Variants in VPS9D1 observed in about 807,000 individuals in gnomAD.
VPS9D1 encodes VPS9 domain containing 1.
In VPS9D1, 78 loss-of-function variants were observed where a neutral mutation model predicts 75.8. The ratio of observed to expected loss-of-function variants is 1.03; its 90% CI spans 0.86 to 1.24. The LOEUF (loss-of-function observed/expected upper bound fraction) is 1.24, where lower values mean the gene tolerates loss of function less well. Ranked by LOEUF, VPS9D1 falls within the 50% of genes most tolerant of loss-of-function variation. The probability of loss-of-function intolerance (pLI) is 0.00; values close to 1 mark genes in which losing one functional copy is unlikely to be tolerated. For synonymous variants in VPS9D1, 481 were observed against 385.6 expected (o/e 1.25, Z -2.90); for missense variants, 1,057 against 847.7 (o/e 1.25, Z -3.07).
In VPS9D1 at chr16:89,712,532, G is replaced by A. The variant is rs1195672323; in HGVS notation, c.544-10C>T. 2 of 1,611,898 alleles carry A rather than the reference G, an allele frequency of 1.2e-6. No individual in the cohort carries two copies. Among genetic ancestry groups the A allele is most frequent in the African/African-American group, 1.3e-5 (1 of 74,862 alleles). On this transcript the variant is annotated splice_polypyrimidine_tract_variant and intron_variant, in intron 5 of 14. Coordinates refer to ENST00000389386, the MANE Select transcript of VPS9D1 (RefSeq NM_004913.3). ...GCTGTAGAGAGAGGGTCTGGGGGGG[G>A]AGGAGGGAGTAAGGCCGACTCCCCT... is the stretch of plus-strand genomic sequence containing the variant.
chr16:89,716,863 C>T, intron 2 of VPS9D1, 41 bp from the exon 3 acceptor site: 2 of 1,527,112 alleles, frequency 1.3e-6, no homozygotes, highest in Non-Finnish European at 1.8e-6. Flanking sequence ...TCGGCTCTAC[C>T]ACTGTTACTT....
chr16:89,717,266 G>T (rs60607545), intron 2 of VPS9D1: 312,248 of 316,932 alleles, frequency 0.99, 153,961 homozygotes, highest in East Asian at 1. Context: ...TAAGGCTGTG[G>T]GCCCCTCATC....
At chr16:89,710,499 G>C (rs1371271602) in intron 10 of VPS9D1, 87 bp downstream of exon 10, 2 of 1,416,278 alleles carry the variant, frequency 1.4e-6, no homozygotes, top group Admixed American at 2.3e-5. Context: ...CTGATCAACA[G>C]ACCCTTCCCC....
chr16:89,708,920 T>A lies in VPS9D1; in HGVS notation c.1634A>T (p.Asp545Val). The part of the protein sequence containing the change: ...TLRIICVCAE[D>V]YCPTPEATPQ... ...TGTGGCCTCTGGGGTGGGGCAGTAGTCTTCCGCACAGACACAGATGATCCG... is the reference window on the plus strand; with the variant it reads ...TGTGGCCTCTGGGGTGGGGCAGTAGACTTCCGCACAGACACAGATGATCCG... Residue 545 changes from aspartate (D) to valine (V), a missense_variant, in exon 13 of 15, where the codon GAC becomes GTC. By Grantham distance (152) the Asp-to-Val change is radical (BLOSUM62 -3). Transcript: ENST00000389386. 6.2e-7 allele frequency: 1 copy of A among 1,601,958 alleles called. No individual in the cohort carries two copies. Among genetic ancestry groups the A allele is most frequent in the Non-Finnish European group, 8.5e-7 (1 of 1,176,276 alleles).
At position 89,708,431 on chromosome 16, in the gene VPS9D1, C is replaced by A; in HGVS notation, c.1798G>T (p.Glu600Ter). The A allele has an allele frequency of 1.2e-6, 2 of 1,611,220 alleles. No individual in the cohort carries two copies. The highest frequency in any genetic ancestry group is 1.7e-5 in the Admixed American group (1 of 59,738). Residue 600 changes from glutamate to a stop codon, truncating the protein, a stop_gained, in exon 14 of 15, where the codon GAG becomes TAG. Coordinates refer to ENST00000389386, the MANE Select transcript of VPS9D1 (RefSeq NM_004913.3). LOFTEE classifies it high-confidence loss of function. ...ECAALEEFIH[E>*]GYLIGEEGYC... Reference sequence around the variant, plus strand: ...CCCTGACCCGCCAGGGTCTACCCCTCGTGGATGAACTCCTCCAGGGCCGCG... The same window carrying A: ...CCCTGACCCGCCAGGGTCTACCCCTAGTGGATGAACTCCTCCAGGGCCGCG...
In VPS9D1 at chr16:89,716,492, A is replaced by G. The variant is rs759926986; in HGVS notation, c.401T>C (p.Leu134Pro). 1.2e-6 allele frequency: 2 copies of G among 1,614,030 alleles called. No individual in the cohort carries two copies. The highest frequency in any genetic ancestry group is 1.7e-5 in the Admixed American group (1 of 60,004). The change falls in exon 4 of 15, where the codon CTT becomes CCT. Residue 134 changes from leucine (L) to proline (P), a missense_variant. Transcript: ENST00000389386. ...ACAGCTTTGTGACTCTGCCCCCTGA[A>G]GCTTCTGGAAGATCTCGGGTGGCAG... ...PFLPPEIFQKLQGAESQSCKK... is the reference protein window; with the variant it reads ...PFLPPEIFQKPQGAESQSCKK...
chr16:89,715,300 C>T (rs559201142), intron 4 of VPS9D1, among the ~76,000 whole-genome samples: 1 of 149,630 alleles, frequency 6.7e-6, no homozygotes, highest in East Asian at 2.0e-4. Flanking sequence ...AATCTCAACT[C>T]ACTGCAACCT....
Position 89,710,948 on chromosome 16 carries a change from A to C in VPS9D1, c.896T>G (p.Leu299Arg). ...GGCTGCTCTGCTCACGGCGGGATAC[A>C]GGGCGCTGTACACGGAGCACTGCAG... ...RRLQCSVYSA[L>R]YPAVSRAAAP... The change falls in exon 10 of 15, where the codon CTG becomes CGG. Residue 299 changes from leucine to arginine, a missense_variant. By Grantham distance (102) the Leu-to-Arg change is moderately radical. Coordinates refer to ENST00000389386, the MANE Select transcript of VPS9D1 (RefSeq NM_004913.3). The C allele has an allele frequency of 6.8e-7, 1 of 1,473,022 alleles. No homozygotes were observed. Among genetic ancestry groups the C allele is most frequent in the Non-Finnish European group, 9.0e-7 (1 of 1,117,126 alleles). 91.2% of individuals were successfully genotyped at this position (1,473,022 alleles called of 1,614,324 possible). A position where few individuals can be genotyped will look rare whatever the true frequency, so the allele number is the denominator to read the frequency against.
chr16:89,719,083 A>T lies in VPS9D1; in HGVS notation c.119T>A (p.Leu40Gln). 6.2e-7 allele frequency: 1 copy of T among 1,613,620 alleles called. No individual in the cohort carries two copies. The highest frequency in any genetic ancestry group is 8.5e-7 in the Non-Finnish European group (1 of 1,179,888). ...CTGGGAGATATAGTGGATGCTCCTC[A>T]GGTATTCCGTGTATGCCTCCTGTGT... ...NRPREAYTEY[L>Q]RSIHYISQVL... The change falls in exon 2 of 15, where the codon CTG (leucine) becomes CAG (glutamine). Residue 40 changes from leucine (L) to glutamine (Q), a missense_variant. Transcript: ENST00000389386.
At chr16:89,719,229 G>A in intron 1 of VPS9D1, 127 bp from the exon 2 acceptor site, 1 of 895,248 alleles carries the variant, frequency 1.1e-6, no homozygotes, top group South Asian at 1.3e-5. Flanking sequence ...GATACACCCA[G>A]AGACATTGAG....
At chr16:89,719,267 A>G (rs1421685687) in intron 1 of VPS9D1, 165 bp from the exon 2 acceptor site, 1 of 704,570 alleles carries the variant, frequency 1.4e-6, no homozygotes, top group Admixed American at 2.0e-5. Flanking sequence ...CAGCCGGAAC[A>G]CGGTTTTCTG....
intron 8 of VPS9D1, 155 bp downstream of exon 8, chr16:89,711,727 C>A: frequency 1.0e-6 from 1 of 960,710 alleles, no homozygotes; most frequent in Non-Finnish European, 1.5e-6. Context: ...TGGCCCCGCC[C>A]CCTCACCGGG....
chr16:89,711,772 G>C, intron 8 of VPS9D1, 110 bp downstream of exon 8: 1 of 1,274,128 alleles, frequency 7.8e-7, no homozygotes, highest in Non-Finnish European at 1.1e-6. Context: ...CCCCCTCACT[G>C]CCCCCCACAG....
At chr16:89,712,234 G>A (rs1189002907) in intron 6 of VPS9D1, 135 bp from the exon 7 acceptor site, 6 of 1,398,444 alleles carry the variant, frequency 4.3e-6, no homozygotes, top group South Asian at 1.3e-5. Flanking sequence ...TAAGGCTTCT[G>A]GGGCAGAAGG....
intron 11 of VPS9D1, 64 bp downstream of exon 11, chr16:89,709,713 C>T: frequency 1.2e-6 from 2 of 1,608,878 alleles, no homozygotes; most frequent in Non-Finnish European, 1.7e-6. Context: ...GCAGGGCAGG[C>T]CTCCTGGGGG....
chr16:89,710,471 T>TAAGTCTGA, intron 10 of VPS9D1, 115 bp downstream of exon 10: 1 of 1,177,992 alleles, frequency 8.5e-7, no homozygotes, highest in South Asian at 1.6e-5. Flanking sequence ...TGGGTGGATG[T>TAAGTCTGA]AAGTCTGATC....
intron 10 of VPS9D1, 101 bp from the exon 11 acceptor site, chr16:89,710,007 C>T (rs1359691477): frequency 2.0e-6 from 3 of 1,488,478 alleles, no homozygotes; most frequent in Non-Finnish European, 1.8e-6. Flanking sequence ...AACCTCTTTC[C>T]ACCGCCTTCA....
At chr16:89,717,623 T>G (rs1443095351) in intron 2 of VPS9D1, 2 of 456,436 alleles carry the variant, frequency 4.4e-6, no homozygotes, top group Non-Finnish European at 8.8e-6. Flanking sequence ...CCGCCCCGAT[T>G]TAGCCCCCGA....
Position 89,707,138 on chromosome 16 carries a change from G to C in VPS9D1, c.*723C>G, listed in dbSNP as rs559214321. 6.6e-6 allele frequency: 1 copy of C among 152,490 alleles called. No individual in the cohort carries two copies. Among genetic ancestry groups the C allele is most frequent in the East Asian group, 1.9e-4 (1 of 5,186 alleles). 9.4% of individuals were successfully genotyped at this position (152,490 alleles called of 1,614,324 possible). On this transcript the variant is annotated 3_prime_UTR_variant, in exon 15 of 15. Transcript: ENST00000389386. ...TGAGGGAGCCACACGGCGAAGCACA[G>C]CAGTGAGCTCTTTATTTTAGGCTGG... is the stretch of plus-strand genomic sequence containing the variant.
Sources: gnomAD v4.1 joint callset for allele counts (sites outside exome capture counted in the v4.1 genomes callset) on GRCh38, gnomAD v4.1.1 for gene constraint, MANE v1.5 for transcripts, NCBI Gene and HGNC (gene_info 2026-07-23, HGNC 2026-07-21) for gene names.